Variants in ODR4 observed in about 807,000 individuals in gnomAD.
ODR4 encodes the protein odr-4 GPCR localization factor homolog, also known as protein odr-4 homolog.
Under a neutral mutation model 60.2 loss-of-function variants are expected in ODR4, and 47 were observed. That is an observed-to-expected ratio of 0.78 (90% CI 0.62 to 1.00). The LOEUF (loss-of-function observed/expected upper bound fraction) is 1.00. ODR4 is among the 50% of genes least tolerant of loss of function. The pLI is 0.00. For synonymous variants in ODR4, 178 were observed against 175.5 expected (o/e 1.01, Z -0.11); for missense variants, 488 against 530.8 (o/e 0.92, Z 0.79).
intron 1 of ODR4, among the ~76,000 whole-genome samples, chr1:186,379,276 C>G (rs958428457): frequency 1.3e-5 from 2 of 151,830 alleles, no homozygotes; most frequent in African/African-American, 4.8e-5. Flanking sequence ...AACCCCGTCT[C>G]TACTAAAAAC....
At chr1:186,425,060 C>A (rs1209522107), downstream of ODR4, among the ~76,000 whole-genome samples, 2 of 151,720 alleles carry the variant, frequency 1.3e-5, no homozygotes, top group Non-Finnish European at 2.9e-5. Context: ...TTGGTAGTTA[C>A]AATGTACCCC....
chr1:186,429,681 A>G, the ODR4 span, among the ~76,000 whole-genome samples: 3 of 151,216 alleles, frequency 2.0e-5, no homozygotes, highest in East Asian at 1.9e-4. Flanking sequence ...GTTCATGACT[A>G]TATCACCAAC....
chr1:186,393,500 G>A (rs1234470868), intron 8 of ODR4, among the ~76,000 whole-genome samples: 2 of 152,174 alleles, frequency 1.3e-5, no homozygotes. Flanking sequence ...TGAAGGAAGC[G>A]GAACTTTTGT....
At chr1:186,377,442 T>G (rs550905468) in intron 1 of ODR4, among the ~76,000 whole-genome samples, 18 of 152,332 alleles carry the variant, frequency 1.2e-4, no homozygotes, top group Admixed American at 3.9e-4. Context: ...ATCTCCCTAT[T>G]ACATTCAGTT....
intron 1 of ODR4, 60 bp downstream of exon 1, chr1:186,376,034 A>G (rs6425027): frequency 0.15 from 21,667 of 142,330 alleles, 1,644 homozygotes; most frequent in Non-Finnish European, 0.17. Flanking sequence ...TCTCTTTTCA[A>G]GAGAAAAAGG....
At chr1:186,384,460 A>G (rs1001622150) in intron 3 of ODR4, among the ~76,000 whole-genome samples, 2 of 152,112 alleles carry the variant, frequency 1.3e-5, no homozygotes, top group African/African-American at 4.8e-5. Context: ...GGGGACAAAC[A>G]TGGCAACTAT....
chr1:186,382,271 C>T (rs1308200348), intron 2 of ODR4, among the ~76,000 whole-genome samples: 6 of 141,918 alleles, frequency 4.2e-5, no homozygotes, highest in Non-Finnish European at 9.3e-5. Flanking sequence ...AAAAAAAAAG[C>T]CAGGCATTAT....
chr1:186,394,305 T>G (rs933744721), intron 9 of ODR4, among the ~76,000 whole-genome samples: 7 of 152,258 alleles, frequency 4.6e-5, no homozygotes, highest in African/African-American at 1.4e-4. Context: ...TATTTTGGGT[T>G]GTAGCTTTTA....
chr1:186,426,321 CTT>C (rs1459890704), downstream of ODR4, among the ~76,000 whole-genome samples: 7 of 152,220 alleles, frequency 4.6e-5, no homozygotes, highest in Non-Finnish European at 8.8e-5. Context: ...ATAGAAGGAA[CTT>C]AGCTGACTCA....
Position 186,406,083 on chromosome 1 carries a change from A to G in ODR4, c.1001A>G (p.Asp334Gly), listed in dbSNP as rs977346070. 6.5e-7 allele frequency: 1 copy of G among 1,550,004 alleles called. No individual in the cohort carries two copies. Among genetic ancestry groups the G allele is most frequent in the Non-Finnish European group, 8.7e-7 (1 of 1,148,740 alleles). The change falls in exon 12 of 14, where the codon GAT becomes GGT. Residue 334 changes from aspartate to glycine, a missense_variant and splice_region_variant. Asp to Gly is a moderately conservative substitution (Grantham distance 94, BLOSUM62 -1). Transcript: ENST00000287859. ...TTGATAATATTTCTTTTCCTTTTAG[A>G]TTCTGAAAAAGAGTTCCACGTCCTC... ...LLLNEIPEKK[D>G]SEKEFHVLPY...
In ODR4 at chr1:186,419,451, T is replaced by C. The variant is rs2102102232; in HGVS notation, c.*375T>C. 4.7e-6 allele frequency: 1 copy of C among 213,498 alleles called. No homozygotes were observed. The highest frequency in any genetic ancestry group is 2.0e-3 in the Middle Eastern group (1 of 494). The allele number at this position is 213,498 out of a possible 1,614,324, so 13.2% of individuals were successfully genotyped here. ...ACAGAGGCATGATGGCTCACACGTA[T>C]AATCCTAATGCTTTGAGAGGCTGAG... On this transcript the variant is annotated 3_prime_UTR_variant, in exon 14 of 14. Transcript: ENST00000287859.
At chr1:186,383,891 T>C (rs1322363261) in intron 3 of ODR4, among the ~76,000 whole-genome samples, 2 of 151,934 alleles carry the variant, frequency 1.3e-5, no homozygotes, top group Admixed American at 1.3e-4. Context: ...TATGAAAAAC[T>C]AGCCAGGTGT....
In ODR4 at chr1:186,375,839, A is replaced by T. The variant is rs1659728270; in HGVS notation, c.-155A>T. The T allele has an allele frequency of 5.0e-6, 1 of 198,822 alleles. No homozygotes were observed. Among genetic ancestry groups the T allele is most frequent in the Non-Finnish European group, 1.1e-5 (1 of 89,810 alleles). 12.3% of individuals were successfully genotyped at this position (198,822 alleles called of 1,614,324 possible). On this transcript the variant is annotated 5_prime_UTR_variant, in exon 1 of 14. It removes an upstream start codon present in the reference 5' UTR. Transcript: ENST00000287859. ...GGTGTGGGAAGTAGGTCGCTTTCTG[A>T]TGAATTCAGTGGCAGTGAATTGAGA...
chr1:186,408,847 G>A (rs952446767), intron 12 of ODR4, among the ~76,000 whole-genome samples: 6 of 151,796 alleles, frequency 4.0e-5, no homozygotes, highest in African/African-American at 1.5e-4. Context: ...AAAAGAATAG[G>A]AAGAGAGAGT....
the ODR4 span, among the ~76,000 whole-genome samples, chr1:186,434,148 A>AATATT: frequency 0.2 from 30,751 of 151,686 alleles, 4,462 homozygotes; most frequent in African/African-American, 0.41. Flanking sequence ...TAATGTAAGT[A>AATATT]ATATTATGTA....
At chr1:186,377,516 T>G (rs1176414039) in intron 1 of ODR4, among the ~76,000 whole-genome samples, 1 of 152,208 alleles carries the variant, frequency 6.6e-6, no homozygotes, top group Non-Finnish European at 1.5e-5. Context: ...AGGTTAAATA[T>G]AACTTTAGAA....
chr1:186,405,260 A>G (rs1036559735), intron 11 of ODR4, among the ~76,000 whole-genome samples: 3 of 152,200 alleles, frequency 2.0e-5, no homozygotes, highest in Non-Finnish European at 2.9e-5. Flanking sequence ...ATATATAGGA[A>G]GGGGGCTACA....
At chr1:186,414,821 A>G (rs1661502174) in intron 12 of ODR4, among the ~76,000 whole-genome samples, 1 of 152,166 alleles carries the variant, frequency 6.6e-6, no homozygotes, top group Non-Finnish European at 1.5e-5. Flanking sequence ...CGTCCGGCCA[A>G]AAAATACCTT....
At chr1:186,404,080 A>T (rs1661085343) in intron 11 of ODR4, among the ~76,000 whole-genome samples, 2 of 152,350 alleles carry the variant, frequency 1.3e-5, no homozygotes, top group Admixed American at 1.3e-4. Flanking sequence ...CTACTCTGAT[A>T]CCAGCTAGGA....
Sources: gnomAD v4.1 joint callset for allele counts (sites outside exome capture counted in the v4.1 genomes callset) on GRCh38, gnomAD v4.1.1 for gene constraint, MANE v1.5 for transcripts, NCBI Gene and HGNC (gene_info 2026-07-23, HGNC 2026-07-21) for gene names.